The following CDH18 variants were observed in gnomAD, a reference collection of about 807,000 sequenced individuals.
The protein encoded by CDH18 is cadherin-18.
In CDH18, 31 loss-of-function variants were observed where a neutral mutation model predicts 67.9. The ratio of observed to expected loss-of-function variants is 0.46; its 90% CI spans 0.34 to 0.62. The LOEUF (loss-of-function observed/expected upper bound fraction) is 0.62. Among genes scored for constraint, CDH18 ranks in the 20% least tolerant of loss-of-function variants. The pLI, the probability that CDH18 is intolerant of heterozygous loss-of-function variation, is 0.01. For missense variants in CDH18, 890 were observed against 975.5 expected (o/e 0.91, Z 1.17); for synonymous variants, 362 against 347.2 (o/e 1.04, Z -0.48).
chr5:20,416,823 A>G (rs1485025668), intron 1 of CDH18, among the ~76,000 whole-genome samples: 1 of 152,206 alleles, frequency 6.6e-6, no homozygotes, highest in Admixed American at 6.5e-5. Context: ...TAATTTGGAG[A>G]TATGCCCTGA....
rs141865702 is a variant in CDH18, at chr5:20,513,327, A to G, written c.-580+62135T>C. 4.5e-3 allele frequency among the ~76,000 whole-genome samples: 690 copies of G among 152,240 alleles called. 3 individuals carry two copies. Among genetic ancestry groups the G allele is most frequent in the African/African-American group, 0.016 (648 of 41,536 alleles). ...AAATTAAGAACTGAAGAACACATACATCTTCAGAGAGACAATCTCTTAATT... is the reference window on the plus strand; with the variant it reads ...AAATTAAGAACTGAAGAACACATACGTCTTCAGAGAGACAATCTCTTAATT... On this transcript the variant is annotated intron_variant, in intron 1 of 14. Coordinates refer to the CDH18 transcript ENST00000507958.
chr5:19,649,445 G>C (rs1361737062), intron 5 of CDH18, among the ~76,000 whole-genome samples: 1 of 151,882 alleles, frequency 6.6e-6, no homozygotes, highest in East Asian at 1.9e-4. Flanking sequence ...TTCTACCTTT[G>C]CATCTATTTA....
chr5:19,793,484 T>G (rs1776568303), intron 3 of CDH18, among the ~76,000 whole-genome samples: 1 of 152,090 alleles, frequency 6.6e-6, no homozygotes, highest in South Asian at 2.1e-4. Context: ...GTACACTGTA[T>G]TTTATTATGG....
chr5:19,949,984 T>C (rs1211868316), intron 2 of CDH18, among the ~76,000 whole-genome samples: 1 of 151,120 alleles, frequency 6.6e-6, no homozygotes, highest in Non-Finnish European at 1.5e-5. Flanking sequence ...TATATATATA[T>C]ATATTAAATA....
chr5:20,039,572 AC>A (rs1740216566), intron 2 of CDH18, among the ~76,000 whole-genome samples: 1 of 152,158 alleles, frequency 6.6e-6, no homozygotes, highest in African/African-American at 2.4e-5. Flanking sequence ...TCTTTGACAA[AC>A]CTGACAAAAA....
Position 19,582,173 on chromosome 5 carries a change from T to G in CDH18, c.999+8884A>C, listed in dbSNP as rs549285183. Among the ~76,000 whole-genome samples, 19 of 152,068 alleles carry G rather than the reference T, an allele frequency of 1.2e-4. 1 individual carries two copies. In the South Asian group the frequency reaches 3.7e-3, roughly 30 times the overall value. On this transcript the variant is annotated intron_variant, in intron 7 of 12. Coordinates refer to ENST00000382275, the MANE Select transcript of CDH18 (RefSeq NM_004934.5). ...TTATATATAATTATACACAAGCTCA[T>G]ATGTGTGTATATGTATATCTATGTG...
intron 1 of CDH18, among the ~76,000 whole-genome samples, chr5:20,542,257 A>G (rs910331140): frequency 4.8e-5 from 7 of 146,788 alleles, no homozygotes; most frequent in Non-Finnish European, 1.5e-5. Flanking sequence ...AATTATTATT[A>G]TTATCATCAG....
At chr5:19,876,919 C>T (rs1787072515) in intron 2 of CDH18, among the ~76,000 whole-genome samples, 1 of 152,106 alleles carries the variant, frequency 6.6e-6, no homozygotes, top group Non-Finnish European at 1.5e-5. Context: ...GATTAAGTCA[C>T]TTCTTGGCAT....
intron 3 of CDH18, among the ~76,000 whole-genome samples, chr5:19,757,166 C>T (rs1771712316): frequency 6.6e-6 from 1 of 152,136 alleles, no homozygotes; most frequent in African/African-American, 2.4e-5. Flanking sequence ...TGTGGAATAC[C>T]ATGAGGGTGG....
chr5:20,130,605 AG>A (rs1749191639), intron 2 of CDH18, among the ~76,000 whole-genome samples: 1 of 152,006 alleles, frequency 6.6e-6, no homozygotes, highest in African/African-American at 2.4e-5. Flanking sequence ...AGACGACTGT[AG>A]GAGGGACTTC....
intron 1 of CDH18, among the ~76,000 whole-genome samples, chr5:20,329,908 C>T (rs1019917308): frequency 2.0e-5 from 3 of 150,278 alleles, no homozygotes; most frequent in African/African-American, 7.3e-5. Context: ...GAAACCTAAT[C>T]TAGAGTGGAT....
intron 1 of CDH18, among the ~76,000 whole-genome samples, chr5:20,273,558 G>T (rs779775630): frequency 1.6e-4 from 24 of 151,970 alleles, no homozygotes; most frequent in Non-Finnish European, 3.2e-4. Flanking sequence ...GTTGCCCAGT[G>T]CTTGATATTT....
chr5:19,961,400 C>T (rs1310099395), intron 2 of CDH18, among the ~76,000 whole-genome samples: 1 of 152,038 alleles, frequency 6.6e-6, no homozygotes, highest in African/African-American at 2.4e-5. Flanking sequence ...AGCCACCGTG[C>T]CCAGCCAACT....
At chr5:19,474,662 G>T (rs2126505171) in intron 12 of CDH18, among the ~76,000 whole-genome samples, 1 of 152,156 alleles carries the variant, frequency 6.6e-6, no homozygotes, top group Non-Finnish European at 1.5e-5. Context: ...ACCATAATGT[G>T]ATTTCTCGCA....
At chr5:20,007,708 TG>T (rs1288183381) in intron 2 of CDH18, among the ~76,000 whole-genome samples, 35 of 148,048 alleles carry the variant, frequency 2.4e-4, no homozygotes, top group Non-Finnish European at 1.5e-4. Context: ...TGTGTGTGTG[TG>T]TGTGTGTCAT....
intron 2 of CDH18, among the ~76,000 whole-genome samples, chr5:19,933,393 G>A (rs1372955614): frequency 6.6e-6 from 1 of 151,338 alleles, no homozygotes; most frequent in Non-Finnish European, 1.5e-5. Context: ...CCCATCAATT[G>A]CACCCCTTTC....
intron 1 of CDH18, among the ~76,000 whole-genome samples, chr5:20,418,242 A>ATTTTTTTTTTTTTTTT (rs58308147): frequency 0.011 from 623 of 56,886 alleles, 108 homozygotes; most frequent in South Asian, 0.015. Context: ...CTGCTGGCTA[A>ATTTTTTTTTTTTTTTT]TTTTTTTTTT....
intron 5 of CDH18, among the ~76,000 whole-genome samples, chr5:19,642,098 A>T (rs1461618152): frequency 1.3e-5 from 2 of 152,054 alleles, no homozygotes; most frequent in Admixed American, 6.5e-5. Flanking sequence ...AAAAACAAAA[A>T]GAATAAAATA....
At chr5:20,179,173 G>C (rs952977153) in intron 2 of CDH18, among the ~76,000 whole-genome samples, 14 of 152,030 alleles carry the variant, frequency 9.2e-5, no homozygotes, top group African/African-American at 3.1e-4. Context: ...AAAAACATTG[G>C]CAACAGCCTA....
Sources: gnomAD v4.1 joint callset for allele counts (sites outside exome capture counted in the v4.1 genomes callset) on GRCh38, gnomAD v4.1.1 for gene constraint, MANE v1.5 for transcripts, NCBI Gene and HGNC (gene_info 2026-07-23, HGNC 2026-07-21) for gene names.